Variants in FAM186A observed in about 807,000 individuals in gnomAD.
FAM186A encodes family with sequence similarity 186 member A.
Under a neutral mutation model 216.8 loss-of-function variants are expected in FAM186A, and 163 were observed. The ratio of observed to expected loss-of-function variants is 0.75; its 90% CI spans 0.66 to 0.86. The LOEUF (loss-of-function observed/expected upper bound fraction) is 0.86. Among genes scored for constraint, FAM186A ranks in the 40% least tolerant of loss-of-function variants. The probability of loss-of-function intolerance (pLI) is 0.00; values close to 1 mark genes in which losing one functional copy is unlikely to be tolerated. For missense variants in FAM186A, 2,184 were observed against 2,746.2 expected (o/e 0.80, Z 4.58); for synonymous variants, 805 against 1,025.3 (o/e 0.79, Z 4.10).
At chr12:50,359,791 C>A (rs1186781133) in intron 3 of FAM186A, among the ~76,000 whole-genome samples, 1 of 152,020 alleles carries the variant, frequency 6.6e-6, no homozygotes, top group Non-Finnish European at 1.5e-5. Context: ...CAGAAAATAC[C>A]ACAATACAAT....
chr12:50,336,785 G>A (rs937813709), intron 4 of FAM186A, among the ~76,000 whole-genome samples: 2 of 151,964 alleles, frequency 1.3e-5, no homozygotes, highest in Admixed American at 6.6e-5. Flanking sequence ...AAGATGAAAG[G>A]CTTTCAAAGG....
In FAM186A at chr12:50,383,067, GAAC is replaced by G. The variant is rs908722246; in HGVS notation, c.192+13223_192+13225del. Among the ~76,000 whole-genome samples, 6 of 147,418 alleles carry G rather than the reference GAAC, an allele frequency of 4.1e-5. No homozygotes were observed. In the South Asian group the frequency reaches 8.7e-4, roughly 21 times the overall value. On this transcript the variant is annotated intron_variant, in intron 1 of 7. Coordinates refer to ENST00000327337, the MANE Select transcript of FAM186A (RefSeq NM_001145475.3). ...CCCCATCTCTATAAAAATACAAAAA[GAAC>G]AACAACAACAACAACAAAACAAAAA...
intron 1 of FAM186A, chr12:50,365,614 T>C: frequency 8.5e-6 from 5 of 591,218 alleles, no homozygotes; most frequent in Non-Finnish European, 1.5e-5. Flanking sequence ...GTAGTTCTCT[T>C]CCCTTTTGCC....
intron 4 of FAM186A, among the ~76,000 whole-genome samples, chr12:50,342,594 C>T (rs1942774978): frequency 6.6e-6 from 1 of 151,338 alleles, no homozygotes; most frequent in Admixed American, 6.6e-5. Context: ...CCGGCCTCAG[C>T]CTCCCGAGTA....
intron 1 of FAM186A, among the ~76,000 whole-genome samples, chr12:50,381,157 C>G (rs550948025): frequency 6.6e-6 from 1 of 152,206 alleles, no homozygotes; most frequent in Admixed American, 6.5e-5. Context: ...CTGGGCTCCC[C>G]GAAGGGCCAC....
intron 1 of FAM186A, among the ~76,000 whole-genome samples, chr12:50,392,742 T>C (rs1405630270): frequency 6.9e-6 from 1 of 145,076 alleles, no homozygotes. Flanking sequence ...GGGACTACAG[T>C]CGTGTGCCAC....
intron 4 of FAM186A, among the ~76,000 whole-genome samples, chr12:50,345,876 A>G (rs1011600118): frequency 5.3e-5 from 8 of 151,738 alleles, no homozygotes; most frequent in African/African-American, 1.9e-4. Flanking sequence ...GTTTTTTCTA[A>G]TGTAGTGAAA....
chr12:50,393,330 G>T (rs1943381261), intron 1 of FAM186A, among the ~76,000 whole-genome samples: 1 of 151,638 alleles, frequency 6.6e-6, no homozygotes, highest in Non-Finnish European at 1.5e-5. Context: ...CTGAGGTCAG[G>T]AGTTCAAGAC....
intron 1 of FAM186A, among the ~76,000 whole-genome samples, chr12:50,368,032 C>T (rs1943107190): frequency 1.3e-5 from 2 of 151,978 alleles, no homozygotes; most frequent in South Asian, 4.1e-4. Flanking sequence ...GTAATCCCAG[C>T]TACTCAGGAG....
chr12:50,388,584 A>G (rs1022409116), intron 1 of FAM186A, among the ~76,000 whole-genome samples: 2 of 149,828 alleles, frequency 1.3e-5, no homozygotes, highest in African/African-American at 5.0e-5. Flanking sequence ...GCACCATTGC[A>G]CTCCAGTGTG....
intron 4 of FAM186A, among the ~76,000 whole-genome samples, chr12:50,335,629 G>A (rs189180529): frequency 2.2e-4 from 34 of 151,132 alleles, no homozygotes; most frequent in Non-Finnish European, 5.9e-5. Context: ...GGGCAACAGA[G>A]TGTGAGATCC....
At position 50,353,658 on chromosome 12, in the gene FAM186A, C is replaced by G. The variant is rs1218806473; in HGVS notation, c.3174G>C (p.Leu1058=). ...GGCCAGAAATAGGAAGAGCTCCAGG[C>G]AGGGAGTATTGTAGGGAGGGGGGAG... The part of the protein sequence containing the change: ...ITPPPSLQYS[L]PGALPISGQP... Residue 1058 remains leucine, a synonymous_variant, in exon 4 of 8, where the codon CTG becomes CTC. Transcript: ENST00000327337. 2.0e-5 allele frequency: 31 copies of G among 1,536,842 alleles called. No homozygotes were observed. Among genetic ancestry groups the G allele is most frequent in the Non-Finnish European group, 2.7e-5 (31 of 1,141,292 alleles).
At chr12:50,356,300 T>C (rs1942977030) in intron 3 of FAM186A, 52 bp from the exon 4 acceptor site, 1 of 1,400,124 alleles carries the variant, frequency 7.1e-7, no homozygotes, top group Non-Finnish European at 9.5e-7. Flanking sequence ...TTTTGCATTG[T>C]GTTCTATCTA....
intron 3 of FAM186A, 135 bp downstream of exon 3, chr12:50,360,621 G>T: frequency 1.6e-6 from 1 of 613,904 alleles, no homozygotes; most frequent in Non-Finnish European, 2.5e-6. Context: ...GGAGGTGGAG[G>T]TTGCATTGAA....
Position 50,351,582 on chromosome 12 carries a change from G to A in FAM186A, c.5250C>T (p.Ser1750=). ...GAGTAGAAGAGACCCCGAATATAGA[G>A]GACTTCTCAGCAGTAGGAGCTGATG... ...LASSAPTAEK[S]SIFGVSSTPL... The change falls in exon 4 of 8, where the codon TCC becomes TCT. Residue 1750 remains serine, a synonymous_variant. Transcript: ENST00000327337. The A allele has an allele frequency of 6.4e-7, 1 of 1,551,080 alleles. No individual in the cohort carries two copies. The highest frequency in any genetic ancestry group is 1.4e-5 in the African/African-American group (1 of 73,126).
Position 50,351,780 on chromosome 12 carries a change from T to C in FAM186A, c.5052A>G (p.Leu1684=). ...PMNLEQAQEQ[L]LKLGVPLTLD... is the part of the protein sequence containing the mutation. ...AGGTGAGAGGAACCCCTAACTTCAATAACTGTTCTTGAGCCTGTTCTAAGT... is the reference window on the plus strand; with the variant it reads ...AGGTGAGAGGAACCCCTAACTTCAACAACTGTTCTTGAGCCTGTTCTAAGT... Residue 1684 remains leucine (L), a synonymous_variant, in exon 4 of 8, where the codon TTA becomes TTG. Coordinates refer to ENST00000327337, the MANE Select transcript of FAM186A (RefSeq NM_001145475.3). The C allele has an allele frequency of 6.4e-7, 1 of 1,550,692 alleles. No individual in the cohort carries two copies. The highest frequency in any genetic ancestry group is 8.7e-7 in the Non-Finnish European group (1 of 1,146,430).
Position 50,387,940 on chromosome 12 carries a change from TTTC to T in FAM186A, c.192+8350_192+8352del. On this transcript the variant is annotated intron_variant, in intron 1 of 7. Transcript: ENST00000327337. The stretch of plus-strand genomic sequence containing the variant: ...ATACCCTCACTATCTGCCTACGTGA[TTTC>T]TTCTTAACTCCTATATCACTTTCAT... 1.3e-5 allele frequency among the ~76,000 whole-genome samples: 2 copies of T among 152,270 alleles called. 1 individual carries two copies.
chr12:50,384,641 C>T (rs1330413600), intron 1 of FAM186A, among the ~76,000 whole-genome samples: 2 of 144,442 alleles, frequency 1.4e-5, no homozygotes, highest in South Asian at 2.3e-4. Flanking sequence ...GAAATAAATC[C>T]ACACATTTCA....
At chr12:50,334,972 A>T (rs923242664) in intron 4 of FAM186A, among the ~76,000 whole-genome samples, 3 of 152,184 alleles carry the variant, frequency 2.0e-5, no homozygotes, top group East Asian at 3.9e-4. Flanking sequence ...AATATATTTT[A>T]AAAATTATGC....
Sources: gnomAD v4.1 joint callset for allele counts (sites outside exome capture counted in the v4.1 genomes callset) on GRCh38, gnomAD v4.1.1 for gene constraint, MANE v1.5 for transcripts, NCBI Gene and HGNC (gene_info 2026-07-23, HGNC 2026-07-21) for gene names.